HS3ST4: variants seen among roughly 807,000 people sequenced by gnomAD.
HS3ST4 encodes the protein heparan sulfate-glucosamine 3-sulfotransferase 4, also known as heparan sulfate glucosamine 3-O-sulfotransferase 4.
HS3ST4 carries 17 observed loss-of-function variants against 29.2 expected under a neutral mutation model. That is an observed-to-expected ratio of 0.58 (90% CI 0.40 to 0.87). HS3ST4 has a LOEUF of 0.87. Among genes scored for constraint, HS3ST4 ranks in the 40% least tolerant of loss-of-function variants. The probability of loss-of-function intolerance (pLI) is 0.00; values close to 1 mark genes in which losing one functional copy is unlikely to be tolerated. For missense variants in HS3ST4, 627 were observed against 634.5 expected, an observed-to-expected ratio of 0.99 and a Z score of 0.13; for synonymous variants, 314 against 285.7, an observed-to-expected ratio of 1.10 and a Z score of -1.00.
At chr16:26,057,205 G>A (rs924131559) in intron 1 of HS3ST4, among the ~76,000 whole-genome samples, 12 of 152,186 alleles carry the variant, frequency 7.9e-5, no homozygotes, top group African/African-American at 2.9e-4. Flanking sequence ...TGGATAAGGG[G>A]TACTCAACCT....
chr16:25,784,869 G>A (rs1966855975), intron 1 of HS3ST4, among the ~76,000 whole-genome samples: 1 of 152,244 alleles, frequency 6.6e-6, no homozygotes, highest in Non-Finnish European at 1.5e-5. Flanking sequence ...ATTGGAAGAA[G>A]ATGCCATCTA....
intron 1 of HS3ST4, among the ~76,000 whole-genome samples, chr16:25,698,025 G>C (rs1178469602): frequency 6.6e-6 from 1 of 152,052 alleles, no homozygotes; most frequent in African/African-American, 2.4e-5. Flanking sequence ...GCTGCTGTCT[G>C]GATCTCACTT....
chr16:25,796,538 C>T (rs914129175), intron 1 of HS3ST4, among the ~76,000 whole-genome samples: 1 of 152,000 alleles, frequency 6.6e-6, no homozygotes, highest in Non-Finnish European at 1.5e-5. Context: ...ACTGAGCAAC[C>T]GAGTATGGCA....
At chr16:25,813,556 C>T (rs969575449) in intron 1 of HS3ST4, among the ~76,000 whole-genome samples, 3 of 152,148 alleles carry the variant, frequency 2.0e-5, no homozygotes, top group Non-Finnish European at 4.4e-5. Context: ...GAGATCACGC[C>T]ATTGCAATCT....
intron 1 of HS3ST4, among the ~76,000 whole-genome samples, chr16:25,888,288 C>T (rs576744783): frequency 2.0e-5 from 3 of 152,220 alleles, no homozygotes; most frequent in East Asian, 1.9e-4. Context: ...TGAAAACGTC[C>T]GGTTGATGGT....
intron 1 of HS3ST4, among the ~76,000 whole-genome samples, chr16:25,999,853 T>TTATATATATTATATATTTTATATATAA (rs1567290774): frequency 1.5e-5 from 2 of 134,258 alleles, no homozygotes; most frequent in African/African-American, 5.7e-5. Context: ...TTTATATATA[T>TTATATATATTATATATTTTATATATAA]TATATATATA....
intron 1 of HS3ST4, among the ~76,000 whole-genome samples, chr16:25,726,456 A>G (rs1376851072): frequency 6.6e-6 from 1 of 151,530 alleles, no homozygotes; most frequent in African/African-American, 2.4e-5. Flanking sequence ...ACACACACAT[A>G]CACACACACA....
intron 1 of HS3ST4, among the ~76,000 whole-genome samples, chr16:25,773,892 C>A (rs962771105): frequency 6.6e-6 from 1 of 152,048 alleles, no homozygotes; most frequent in Non-Finnish European, 1.5e-5. Flanking sequence ...GATAGAGTGA[C>A]CTGTCCCTTT....
intron 1 of HS3ST4, among the ~76,000 whole-genome samples, chr16:25,864,785 C>T (rs1018303589): frequency 6.6e-6 from 1 of 151,276 alleles, no homozygotes; most frequent in African/African-American, 2.4e-5. Context: ...TGTGTGTATA[C>T]ATATATTTGT....
chr16:26,087,046 A>T (rs888269742), intron 1 of HS3ST4, among the ~76,000 whole-genome samples: 1 of 152,220 alleles, frequency 6.6e-6, no homozygotes, highest in Non-Finnish European at 1.5e-5. Context: ...CAAGGCTTTC[A>T]TGCAGAACAT....
At chr16:25,910,944 C>T (rs1968232820) in intron 1 of HS3ST4, among the ~76,000 whole-genome samples, 1 of 152,170 alleles carries the variant, frequency 6.6e-6, no homozygotes, top group Non-Finnish European at 1.5e-5. Context: ...AAATAGTGTT[C>T]AGGCCCTGCC....
At chr16:25,940,092 G>C (rs554963749) in intron 1 of HS3ST4, among the ~76,000 whole-genome samples, 2 of 152,074 alleles carry the variant, frequency 1.3e-5, no homozygotes, top group African/African-American at 4.8e-5. Context: ...GCTTTATTCC[G>C]ATTACATGGC....
chr16:25,963,846 C>G lies in HS3ST4; in HGVS notation c.735-171766C>G, dbSNP rs149384010. On this transcript the variant is annotated intron_variant, in intron 1 of 1. Transcript: ENST00000331351. Reference sequence around the variant, plus strand: ...CAGGATTTAATGAAACTGGACCATTCAATATAACAAAATCAAAGCACACAT... The same window carrying G: ...CAGGATTTAATGAAACTGGACCATTGAATATAACAAAATCAAAGCACACAT... Among the ~76,000 whole-genome samples, 278 of 152,190 alleles carry G rather than the reference C, an allele frequency of 1.8e-3. 3 individuals carry two copies. In the Middle Eastern group the frequency reaches 0.051, roughly 28 times the overall value.
At chr16:25,950,080 T>C (rs901632193) in intron 1 of HS3ST4, among the ~76,000 whole-genome samples, 1 of 152,164 alleles carries the variant, frequency 6.6e-6, no homozygotes, top group Non-Finnish European at 1.5e-5. Flanking sequence ...TCTTACCAGC[T>C]TGTGACATCT....
chr16:26,120,807 A>G (rs149808508), intron 1 of HS3ST4, among the ~76,000 whole-genome samples: 445 of 152,362 alleles, frequency 2.9e-3, no homozygotes, highest in African/African-American at 0.01. Flanking sequence ...ACACATACAA[A>G]TTATTTACAA....
intron 1 of HS3ST4, among the ~76,000 whole-genome samples, chr16:25,718,882 G>T (rs1029493460): frequency 6.6e-6 from 1 of 152,188 alleles, no homozygotes; most frequent in Non-Finnish European, 1.5e-5. Flanking sequence ...TAAGAGAAGG[G>T]GGTTTAGGAT....
intron 1 of HS3ST4, among the ~76,000 whole-genome samples, chr16:25,799,090 G>A (rs1317404058): frequency 6.6e-6 from 1 of 152,188 alleles, no homozygotes; most frequent in Admixed American, 6.5e-5. Flanking sequence ...TGAGGAAAAG[G>A]CGCTTGTTCA....
intron 1 of HS3ST4, among the ~76,000 whole-genome samples, chr16:25,831,028 A>G (rs775557959): frequency 4.6e-5 from 7 of 152,062 alleles, no homozygotes; most frequent in Non-Finnish European, 8.8e-5. Flanking sequence ...CCTGCACTTC[A>G]GCCACCTGAC....
rs189972226 is a variant in HS3ST4, at chr16:25,792,992, T to A, written c.734+99841T>A. ...TTTTCATTAATAGATAAATATTTTC[T>A]AATTTTTATGGTAATTTTTGTTTTA... On this transcript the variant is annotated intron_variant, in intron 1 of 1. Coordinates refer to ENST00000331351, the MANE Select transcript of HS3ST4 (RefSeq NM_006040.3). Among the ~76,000 whole-genome samples the A allele has an allele frequency of 2.0e-5, 3 of 152,080 alleles. No homozygotes were observed. The East Asian group carries it at 5.8e-4, about 29-fold the overall frequency.
Sources: gnomAD v4.1 joint callset for allele counts (sites outside exome capture counted in the v4.1 genomes callset) on GRCh38, gnomAD v4.1.1 for gene constraint, MANE v1.5 for transcripts, NCBI Gene and HGNC (gene_info 2026-07-23, HGNC 2026-07-21) for gene names.